The following AKT3 variants were observed in gnomAD, a reference collection of about 807,000 sequenced individuals.
AKT3 encodes RAC-gamma serine/threonine-protein kinase.
A neutral mutation model predicts 65.3 loss-of-function variants in AKT3; 15 were observed. That is an observed-to-expected ratio of 0.23 (90% CI 0.15 to 0.35). The LOEUF is 0.35. Among genes scored for constraint, AKT3 ranks in the 10% least tolerant of loss-of-function variants. The pLI, the probability that AKT3 is intolerant of heterozygous loss-of-function variation, is 1.00. For synonymous variants in AKT3, 206 were observed against 183.8 expected (o/e 1.12, Z -0.98); for missense variants, 243 against 576.5 (o/e 0.42, Z 5.92).
chr1:243,646,611 TC>T (rs1680837668), intron 4 of AKT3, among the ~76,000 whole-genome samples: 1 of 152,134 alleles, frequency 6.6e-6, no homozygotes, highest in Non-Finnish European at 1.5e-5. Flanking sequence ...CGCCATGGCC[TC>T]CCAAAGTGCT....
chr1:243,587,924 G>C (rs1217129685), intron 8 of AKT3, among the ~76,000 whole-genome samples: 4 of 152,146 alleles, frequency 2.6e-5, no homozygotes, highest in African/African-American at 9.7e-5. Context: ...AACAGAAGAT[G>C]AAAACTGAGC....
intron 3 of AKT3, among the ~76,000 whole-genome samples, chr1:243,684,344 T>C (rs567258764): frequency 2.6e-5 from 4 of 152,098 alleles, no homozygotes; most frequent in African/African-American, 7.2e-5. Context: ...TGTGTGATGT[T>C]CCCCTCCCTG....
intron 11 of AKT3, among the ~76,000 whole-genome samples, chr1:243,549,777 C>A (rs1434299347): frequency 2.6e-5 from 4 of 152,120 alleles, no homozygotes; most frequent in Non-Finnish European, 5.9e-5. Flanking sequence ...CTCATCTAAT[C>A]TGTCCATGAC....
chr1:243,804,533 A>G (rs141397563), intron 2 of AKT3, among the ~76,000 whole-genome samples: 22 of 152,334 alleles, frequency 1.4e-4, no homozygotes, highest in East Asian at 9.7e-4. Flanking sequence ...AATATCCACT[A>G]TATCTGCATT....
intron 1 of AKT3, among the ~76,000 whole-genome samples, chr1:243,847,530 C>T (rs1695570674): frequency 6.6e-6 from 1 of 152,098 alleles, no homozygotes; most frequent in Non-Finnish European, 1.5e-5. Context: ...TAAAGAAACC[C>T]AGATAGCTGG....
chr1:243,689,756 C>T lies in AKT3; in HGVS notation c.172+5835G>A, dbSNP rs542502574. ...TCACTTGATGAGCCCAGTTCAAGAC[C>T]AGCCTGAACAAAATGGTGAAACCCT... On this transcript the variant is annotated intron_variant, in intron 3 of 13. Transcript: ENST00000673466. 3.4e-4 allele frequency among the ~76,000 whole-genome samples: 52 copies of T among 151,584 alleles called. 1 individual carries two copies. The highest frequency in any genetic ancestry group is 2.1e-4 in the Non-Finnish European group (14 of 67,870).
intron 2 of AKT3, among the ~76,000 whole-genome samples, chr1:243,815,927 A>G (rs999955011): frequency 2.6e-5 from 4 of 151,928 alleles, no homozygotes; most frequent in Admixed American, 2.6e-4. Context: ...CAAAATCTCT[A>G]TTATCTATTG....
chr1:243,694,144 G>A (rs1684904720), intron 3 of AKT3, among the ~76,000 whole-genome samples: 1 of 152,108 alleles, frequency 6.6e-6, no homozygotes, highest in Non-Finnish European at 1.5e-5. Flanking sequence ...CAAGAATTCT[G>A]TACTTTTATA....
intron 2 of AKT3, among the ~76,000 whole-genome samples, chr1:243,786,295 C>A (rs1442008070): frequency 6.6e-6 from 1 of 152,172 alleles, no homozygotes; most frequent in Non-Finnish European, 1.5e-5. Context: ...TATAGATATA[C>A]ACAAATCCAG....
At chr1:243,838,395 G>T (rs1440851920) in intron 2 of AKT3, among the ~76,000 whole-genome samples, 1 of 151,988 alleles carries the variant, frequency 6.6e-6, no homozygotes, top group Non-Finnish European at 1.5e-5. Context: ...GAAAAAGCTT[G>T]CTGCTGGGTA....
intron 2 of AKT3, among the ~76,000 whole-genome samples, chr1:243,763,846 CTGTT>C (rs1473951939): frequency 6.6e-6 from 1 of 152,060 alleles, no homozygotes; most frequent in Non-Finnish European, 1.5e-5. Context: ...AACTCCTTTT[CTGTT>C]TATTTCCATT....
chr1:243,636,627 T>A (rs372475555), intron 6 of AKT3, among the ~76,000 whole-genome samples: 1 of 152,124 alleles, frequency 6.6e-6, no homozygotes, highest in African/African-American at 2.4e-5. Context: ...GGCTTCTACC[T>A]GGTAACTGTC....
At chr1:243,574,054 G>A (rs1337966753) in intron 8 of AKT3, among the ~76,000 whole-genome samples, 2 of 151,984 alleles carry the variant, frequency 1.3e-5, no homozygotes, top group South Asian at 4.2e-4. Flanking sequence ...ATACATGTCT[G>A]TGAAAAAAAT....
chr1:243,665,722 A>G (rs1439282854), intron 3 of AKT3, among the ~76,000 whole-genome samples: 1 of 152,254 alleles, frequency 6.6e-6, no homozygotes, highest in African/African-American at 2.4e-5. Flanking sequence ...TTCATCTAAT[A>G]TTAGCATAAT....
At chr1:243,575,760 C>CA (rs1674893919) in intron 8 of AKT3, among the ~76,000 whole-genome samples, 1 of 151,880 alleles carries the variant, frequency 6.6e-6, no homozygotes, top group South Asian at 2.1e-4. Context: ...GAAAAATCTC[C>CA]AAAAAAGTGC....
At chr1:243,740,987 T>C (rs1688118706) in intron 2 of AKT3, among the ~76,000 whole-genome samples, 1 of 152,174 alleles carries the variant, frequency 6.6e-6, no homozygotes, top group South Asian at 2.1e-4. Flanking sequence ...AGGGGTCTCA[T>C]CAAATATTTG....
At position 243,501,755 on chromosome 1, in the gene AKT3, CAG is replaced by C. The variant is rs2148338064; in HGVS notation, c.*3492_*3493del. The C allele has an allele frequency of 8.6e-6, 2 of 232,914 alleles. No homozygotes were observed. The highest frequency in any genetic ancestry group is 4.4e-5 in the African/African-American group (2 of 45,422). The allele number at this position is 232,914 out of a possible 1,614,324, so 14.4% of individuals were successfully genotyped here. On this transcript the variant is annotated 3_prime_UTR_variant, in exon 14 of 14. Transcript: ENST00000673466. ...TAGAACCACATCCAACAACAATAAA[CAG>C]AGAAGTAGCAGATTGACATAGTGCT... is the stretch of plus-strand genomic sequence containing the variant.
At chr1:243,514,566 A>T (rs1277091940) in intron 12 of AKT3, among the ~76,000 whole-genome samples, 3 of 152,210 alleles carry the variant, frequency 2.0e-5, no homozygotes, top group African/African-American at 4.8e-5. Context: ...TGTTACTGTC[A>T]ATGTTCATCA....
chr1:243,825,023 C>G (rs893678865), intron 2 of AKT3, among the ~76,000 whole-genome samples: 2 of 152,120 alleles, frequency 1.3e-5, no homozygotes, highest in African/African-American at 4.8e-5. Context: ...CAATGATAGA[C>G]TGAATAAAGA....
Sources: allele counts gnomAD v4.1 joint callset (sites outside exome capture counted in the v4.1 genomes callset), GRCh38; gene constraint gnomAD v4.1.1; transcripts MANE v1.5; gene names NCBI Gene and HGNC (gene_info 2026-07-23, HGNC 2026-07-21).